MPRIP: variants seen among roughly 807,000 people sequenced by gnomAD.
MPRIP encodes myosin phosphatase Rho-interacting protein.
A neutral mutation model predicts 234.9 loss-of-function variants in MPRIP; 59 were observed. The ratio of observed to expected loss-of-function variants is 0.25; its 90% confidence interval spans 0.20 to 0.31. The LOEUF is 0.31. Ranked by LOEUF, MPRIP falls within the 10% of genes least tolerant of loss-of-function variation. MPRIP has a pLI of 1.00. For synonymous variants in MPRIP, 1,144 were observed against 1,263.9 expected, an observed-to-expected ratio of 0.91 and a Z score of 2.01; for missense variants, 2,436 against 3,071.0, an observed-to-expected ratio of 0.79 and a Z score of 4.89.
intron 4 of MPRIP, among the ~76,000 whole-genome samples, chr17:17,128,701 C>T (rs1427219801): frequency 5.3e-5 from 8 of 152,202 alleles, no homozygotes; most frequent in Non-Finnish European, 8.8e-5. Flanking sequence ...GGCAGGTTCT[C>T]ACGTGGCATA....
intron 1 of MPRIP, among the ~76,000 whole-genome samples, chr17:17,053,498 A>G (rs2088603887): frequency 6.6e-6 from 1 of 152,166 alleles, no homozygotes; most frequent in African/African-American, 2.4e-5. Context: ...ACCATGTAGT[A>G]TGGAGCTGTG....
At chr17:17,155,277 G>C (rs978039194) in intron 13 of MPRIP, among the ~76,000 whole-genome samples, 7 of 151,562 alleles carry the variant, frequency 4.6e-5, no homozygotes, top group African/African-American at 1.7e-4. Flanking sequence ...TTTTGAGATG[G>C]AGTCTTGTTC....
chr17:17,132,085 GGGA>G (rs2144427438), intron 5 of MPRIP, among the ~76,000 whole-genome samples: 1 of 152,320 alleles, frequency 6.6e-6, no homozygotes, highest in African/African-American at 2.4e-5. Flanking sequence ...CAGTAGGATG[GGGA>G]GGAGAATTCT....
At chr17:17,113,932 G>T (rs899377607) in intron 3 of MPRIP, among the ~76,000 whole-genome samples, 1 of 123,222 alleles carries the variant, frequency 8.1e-6, no homozygotes, top group African/African-American at 3.3e-5. Context: ...TCACTCTGTT[G>T]CCCAGACTGG....
At chr17:17,143,283 T>G (rs1335862757) in intron 8 of MPRIP, among the ~76,000 whole-genome samples, 3 of 152,184 alleles carry the variant, frequency 2.0e-5, no homozygotes, top group Non-Finnish European at 4.4e-5. Flanking sequence ...CTCTTCCTTC[T>G]GTGACCCAGA....
chr17:17,155,935 C>T (rs1186644267), intron 13 of MPRIP, among the ~76,000 whole-genome samples: 1 of 152,266 alleles, frequency 6.6e-6, no homozygotes, highest in African/African-American at 2.4e-5. Flanking sequence ...GCTAAGTGCT[C>T]TTTTCCAAGC....
Position 17,167,049 on chromosome 17 carries a change from CAG to C in MPRIP, c.5461_5462del (p.Ser1823ValfsTer2). On this transcript the variant is annotated frameshift_variant, in exon 16 of 24. Coordinates refer to ENST00000651222, the MANE Select transcript of MPRIP (RefSeq NM_001364716.4). LOFTEE classifies it high-confidence loss of function. This position sits in a 1 kb window ranked among gnomAD's most constrained non-coding sequence, Gnocchi z 5.9. ...RDCQKLLQVSQSLSYNTCLGG... is the reference protein window; with the variant it reads ...RDCQKLLQVSXSLSYNTCLGG... ...TTGCCAGAAGCTTCTCCAGGTGTCC[CAG>C]AGTCTCTCGTATAACACTTGTTTGG... 1 of 1,304,304 alleles carries C rather than the reference CAG, an allele frequency of 7.7e-7. No homozygotes were observed. 80.8% of individuals were successfully genotyped at this position (1,304,304 alleles called of 1,614,324 possible).
intron 19 of MPRIP, 103 bp downstream of exon 19, chr17:17,174,178 C>A: frequency 1.4e-6 from 2 of 1,384,044 alleles, no homozygotes; most frequent in Non-Finnish European, 2.0e-6. Context: ...CAGGCCTCAC[C>A]CTCAAAGTGG....
intron 5 of MPRIP, among the ~76,000 whole-genome samples, chr17:17,134,819 G>A (rs957536616): frequency 1.3e-5 from 2 of 152,236 alleles, no homozygotes; most frequent in African/African-American, 4.8e-5. Context: ...CCCTTGGGAG[G>A]TGGGTGGGTG....
At chr17:17,114,038 C>T (rs1425874137) in intron 3 of MPRIP, among the ~76,000 whole-genome samples, 1 of 151,900 alleles carries the variant, frequency 6.6e-6, no homozygotes, top group African/African-American at 2.4e-5. Context: ...AAGAGTACAC[C>T]ACCACATCTG....
chr17:17,050,314 CAAAAAAAAAA>C (rs66950979), intron 1 of MPRIP, among the ~76,000 whole-genome samples: 6,576 of 92,530 alleles, frequency 0.071, 488 homozygotes, highest in African/African-American at 0.22. Context: ...GACTCCGTCT[CAAAAAAAAAA>C]AAAAAAAAAA....
Position 17,142,978 on chromosome 17 carries a change from A to G in MPRIP, c.1389+213A>G, listed in dbSNP as rs539047351. Among the ~76,000 whole-genome samples, 4 of 152,256 alleles carry G rather than the reference A, an allele frequency of 2.6e-5. No homozygotes were observed. In the South Asian group the frequency reaches 8.3e-4, roughly 32 times the overall value. On this transcript the variant is annotated intron_variant, in intron 8 of 23. Transcript: ENST00000651222. ...TCCGTCTCTGCTGAAGGATATTCTC[A>G]TGCATTTTAGATCCCAGATTTAATT...
At chr17:17,049,599 A>G (rs867386606) in intron 1 of MPRIP, among the ~76,000 whole-genome samples, 50 of 152,372 alleles carry the variant, frequency 3.3e-4, no homozygotes, top group African/African-American at 1.1e-3. Flanking sequence ...TGAATGACAC[A>G]GTTGGACCAG....
At chr17:17,075,965 C>T (rs1010412768) in intron 2 of MPRIP, 178 bp downstream of exon 2, 1 of 608,972 alleles carries the variant, frequency 1.6e-6, no homozygotes, top group Non-Finnish European at 2.9e-6. Context: ...CTCAATTATA[C>T]ATAGTTGTGT....
rs773158066 is a variant in MPRIP at position 17,166,208 on chromosome 17, C to A, written c.4617C>A (p.Thr1539=). 7.7e-7 allele frequency: 1 copy of A among 1,303,134 alleles called. No individual in the cohort carries two copies. Among genetic ancestry groups the A allele is most frequent in the South Asian group, 1.2e-5 (1 of 80,922 alleles). The allele number at this position is 1,303,134 out of a possible 1,614,324, so 80.7% of individuals were successfully genotyped here. A position where few individuals can be genotyped will look rare whatever the true frequency, so the allele number is the denominator to read the frequency against. Residue 1539 remains threonine, a synonymous_variant, in exon 16 of 24, where the codon ACC becomes ACA. Coordinates refer to ENST00000651222, the MANE Select transcript of MPRIP (RefSeq NM_001364716.4). This position sits in a 1 kb window ranked among gnomAD's most constrained non-coding sequence, Gnocchi z 4.4. ...GARAQLETGG[T]EENGKPASLQ... ...GTGCACAGCTGGAGACAGGTGGCAC[C>A]GAGGAGAATGGGAAGCCTGCCTCCC...
chr17:17,118,615 C>T (rs569368982), intron 3 of MPRIP, among the ~76,000 whole-genome samples: 6 of 152,270 alleles, frequency 3.9e-5, no homozygotes, highest in East Asian at 3.9e-4. Context: ...CCAGGACTGG[C>T]GGTGACGACT....
At chr17:17,058,355 T>C (rs964304622) in intron 1 of MPRIP, among the ~76,000 whole-genome samples, 2 of 146,538 alleles carry the variant, frequency 1.4e-5, no homozygotes, top group African/African-American at 5.1e-5. Flanking sequence ...GGAGGAGAGC[T>C]CCAGGACTAT....
intron 1 of MPRIP, among the ~76,000 whole-genome samples, chr17:17,059,609 A>G (rs1282143606): frequency 6.6e-6 from 1 of 152,192 alleles, no homozygotes; most frequent in African/African-American, 2.4e-5. Context: ...GAAGTCTCCC[A>G]CACTCCTCCC....
chr17:17,176,576 G>A (rs1441337241), intron 21 of MPRIP, 64 bp downstream of exon 21: 5 of 1,262,190 alleles, frequency 4.0e-6, no homozygotes, highest in African/African-American at 1.5e-5. Context: ...TGCGCCTCCT[G>A]AACTCAGGCT....
Sources: gnomAD v4.1 joint callset for allele counts (sites outside exome capture counted in the v4.1 genomes callset) on GRCh38, gnomAD v4.1.1 for gene constraint, Gnocchi (gnomAD v3.1) non-coding constraint, MANE v1.5 for transcripts, NCBI Gene and HGNC (gene_info 2026-07-23, HGNC 2026-07-21) for gene names.